The following ERI1 variants were observed in gnomAD, a reference collection of about 807,000 sequenced individuals.
ERI1 encodes the protein 3'-5' exoribonuclease 1.
ERI1 carries 39 observed loss-of-function variants against 39.7 expected under a neutral mutation model. The observed-to-expected ratio is 0.98, with a 90% confidence interval of 0.76 to 1.28. The LOEUF (loss-of-function observed/expected upper bound fraction) is 1.28, where lower values mean the gene tolerates loss of function less well. Among genes scored for constraint, ERI1 ranks in the 50% most tolerant of loss-of-function variants. The probability of loss-of-function intolerance (pLI) is 0.00; values close to 1 mark genes in which losing one functional copy is unlikely to be tolerated. For missense variants in ERI1, 581 were observed against 416.9 expected (o/e 1.39, Z -3.43); for synonymous variants, 204 against 149.6 (o/e 1.36, Z -2.65).
chr8:9,004,980 C>T (rs1401514897), intron 1 of ERI1, among the ~76,000 whole-genome samples: 1 of 152,106 alleles, frequency 6.6e-6, no homozygotes. Context: ...TGAGCCACTG[C>T]GCCTGGCCAT....
intron 2 of ERI1, among the ~76,000 whole-genome samples, chr8:9,009,952 A>G (rs961094803): frequency 6.6e-6 from 1 of 152,210 alleles, no homozygotes; most frequent in African/African-American, 2.4e-5. Flanking sequence ...TGAAGTCTGC[A>G]TTTTACCTCG....
intron 3 of ERI1, among the ~76,000 whole-genome samples, chr8:9,086,354 A>G (rs546250425): frequency 1.3e-5 from 2 of 152,192 alleles, no homozygotes; most frequent in Non-Finnish European, 2.9e-5. Context: ...GTTTGAGACC[A>G]GCCTGGGTAA....
At chr8:9,074,013 C>T (rs1475831741) in intron 3 of ERI1, among the ~76,000 whole-genome samples, 2 of 152,118 alleles carry the variant, frequency 1.3e-5, no homozygotes, top group African/African-American at 4.8e-5. Flanking sequence ...CTTGAACTCG[C>T]AGGCTCAAGC....
chr8:9,042,611 C>G (rs1355180600), intron 3 of ERI1, among the ~76,000 whole-genome samples: 2 of 152,038 alleles, frequency 1.3e-5, no homozygotes, highest in South Asian at 2.1e-4. Flanking sequence ...CTGGAGGAAG[C>G]CTAGATGCGA....
chr8:9,079,115 A>C (rs529065871), intron 3 of ERI1, among the ~76,000 whole-genome samples: 2 of 152,294 alleles, frequency 1.3e-5, no homozygotes, highest in South Asian at 2.1e-4. Context: ...ACTCATAGGG[A>C]GGGGAAAAAA....
At chr8:9,021,951 T>G (rs77465441) in intron 6 of ERI1, among the ~76,000 whole-genome samples, 3 of 152,080 alleles carry the variant, frequency 2.0e-5, no homozygotes, top group African/African-American at 7.2e-5. Flanking sequence ...AAGAGTACTT[T>G]TATAAGCATT....
rs1585185270 is a variant in ERI1 at position 9,008,149 on chromosome 8, G to C, written c.287+1G>C. On this transcript the variant is annotated splice_donor_variant, in intron 2 of 6. Transcript: ENST00000250263. LOFTEE classifies it high-confidence loss of function. ...TTTCAGAATTCAAGCTTGAAACTAG[G>C]TAATTAAAAATAACTTATAAAATTA... The C allele has an allele frequency of 1.3e-6, 2 of 1,566,526 alleles. No homozygotes were observed. The highest frequency in any genetic ancestry group is 1.7e-6 in the Non-Finnish European group (2 of 1,159,832).
At chr8:9,034,403 A>G (rs1797774371), downstream of ERI1, among the ~76,000 whole-genome samples, 1 of 152,094 alleles carries the variant, frequency 6.6e-6, no homozygotes, top group African/African-American at 2.4e-5. Flanking sequence ...TCCTGTGTGG[A>G]GAAAGTCTAT....
At chr8:9,075,039 A>G (rs1397642258) in intron 3 of ERI1, among the ~76,000 whole-genome samples, 1 of 152,162 alleles carries the variant, frequency 6.6e-6, no homozygotes, top group African/African-American at 2.4e-5. Flanking sequence ...CCTGAATCGT[A>G]TCTGAGCCAA....
At chr8:9,075,791 C>G (rs1357081937) in intron 3 of ERI1, among the ~76,000 whole-genome samples, 7 of 152,110 alleles carry the variant, frequency 4.6e-5, no homozygotes, top group Admixed American at 4.6e-4. Context: ...GAAAAATAAT[C>G]TTAAAAAATT....
rs758835506 is a variant in ERI1, at chr8:9,015,722, C to CAAAA, written c.499-584_499-581dup. Among the ~76,000 whole-genome samples the CAAAA allele has an allele frequency of 4.9e-3, 273 of 56,224 alleles. 3 individuals carry two copies. The highest frequency in any genetic ancestry group is 0.011 in the African/African-American group (134 of 12,194). 36.9% of individuals were successfully genotyped at this position (56,224 alleles called of 152,430 possible). A position where few individuals can be genotyped will look rare whatever the true frequency, so the allele number is the denominator to read the frequency against. On this transcript the variant is annotated intron_variant, in intron 3 of 6. Coordinates refer to ENST00000250263, the MANE Select transcript of ERI1 (RefSeq NM_153332.4). ...GGGAGACAGAGCGAGACTCTGTCTC[C>CAAAA]AAAAAAAAAAAAAAAAAAAGAGACC... is the stretch of plus-strand genomic sequence containing the variant.
At chr8:9,026,146 C>A (rs532173525) in intron 6 of ERI1, among the ~76,000 whole-genome samples, 2 of 152,142 alleles carry the variant, frequency 1.3e-5, no homozygotes, top group African/African-American at 4.8e-5. Flanking sequence ...TGTAATCTTC[C>A]ACTTGTGACG....
At chr8:9,018,117 G>A (rs780386681) in intron 4 of ERI1, among the ~76,000 whole-genome samples, 180 bp from the exon 5 acceptor site, 11 of 152,180 alleles carry the variant, frequency 7.2e-5, no homozygotes, top group Non-Finnish European at 1.2e-4. Context: ...ACTTGGTTAT[G>A]AAATTTTTAG....
intron 3 of ERI1, among the ~76,000 whole-genome samples, chr8:9,050,233 C>T (rs934980830): frequency 2.6e-5 from 4 of 151,758 alleles, no homozygotes; most frequent in Non-Finnish European, 5.9e-5. Flanking sequence ...CAAGGCTGGG[C>T]GCAGTGCCTC....
chr8:9,072,295 T>G (rs1329073403), intron 3 of ERI1, among the ~76,000 whole-genome samples: 2 of 152,210 alleles, frequency 1.3e-5, no homozygotes, highest in Non-Finnish European at 2.9e-5. Context: ...CTGAAGGTTT[T>G]TGTTATTATT....
At chr8:9,058,840 G>GATAAATAAATAAATAA (rs58770201) in intron 3 of ERI1, among the ~76,000 whole-genome samples, 2 of 151,252 alleles carry the variant, frequency 1.3e-5, no homozygotes, top group African/African-American at 2.4e-5. Flanking sequence ...CAACTTCATT[G>GATAAATAAATAAATAA]ATAAATAAAT....
At chr8:9,027,830 T>C (rs1797295145) in intron 6 of ERI1, among the ~76,000 whole-genome samples, 1 of 152,238 alleles carries the variant, frequency 6.6e-6, no homozygotes. Flanking sequence ...AATACCACTC[T>C]CTTTCAATTA....
At chr8:9,039,007 C>T (rs1400323011) in intron 3 of ERI1, among the ~76,000 whole-genome samples, 2 of 152,078 alleles carry the variant, frequency 1.3e-5, no homozygotes, top group African/African-American at 4.8e-5. Context: ...TGATTAGTTT[C>T]TTGTTTATTT....
Position 9,030,111 on chromosome 8 carries a change from T to G in ERI1, c.*77T>G. On this transcript the variant is annotated 3_prime_UTR_variant, in exon 7 of 7. Transcript: ENST00000250263. ...CAGATGAATCTCATTGAATTAGTCC[T>G]GTAGTGCAAACTTTAAGCACCTTAA... is the stretch of plus-strand genomic sequence containing the variant. The G allele has an allele frequency of 1.3e-6, 2 of 1,566,878 alleles. No homozygotes were observed. The highest frequency in any genetic ancestry group is 1.7e-6 in the Non-Finnish European group (2 of 1,147,488).
Sources: allele counts gnomAD v4.1 joint callset (sites outside exome capture counted in the v4.1 genomes callset), GRCh38; gene constraint gnomAD v4.1.1; transcripts MANE v1.5; gene names NCBI Gene and HGNC (gene_info 2026-07-23, HGNC 2026-07-21).